FAM124B: variants seen among roughly 807,000 people sequenced by gnomAD.
The protein encoded by FAM124B is family with sequence similarity 124 member B.
In FAM124B, 18 loss-of-function variants were observed where a neutral mutation model predicts 19.7. That is an observed-to-expected ratio of 0.92 (90% CI 0.63 to 1.36). FAM124B has a LOEUF of 1.36. Among genes scored for constraint, FAM124B ranks in the 40% most tolerant of loss-of-function variants. The pLI is 0.00. For synonymous variants in FAM124B, 223 were observed against 225.2 expected (o/e 0.99, Z 0.09); for missense variants, 540 against 553.3 (o/e 0.98, Z 0.24).
rs1367156288 is a variant in FAM124B, at chr2:224,379,647, T to C, written c.1294A>G (p.Ile432Val). The part of the protein sequence containing the change: ...GQRDLGTRKT[I>V]SECLLHLQVQ... ...TGCAGATGAAGGAGACATTCTGAAATTGTCTTCCTGGTACCAAGGTCCCTT... is the reference window on the plus strand; with the variant it reads ...TGCAGATGAAGGAGACATTCTGAAACTGTCTTCCTGGTACCAAGGTCCCTT... Residue 432 changes from isoleucine (I) to valine (V), a missense_variant, in exon 2 of 2, where the codon ATT (isoleucine) becomes GTT (valine). Physicochemically the swap from Ile to Val is conservative, Grantham distance 29. Coordinates refer to ENST00000409685, the MANE Select transcript of FAM124B (RefSeq NM_001122779.2). 5 of 1,551,572 alleles carry C rather than the reference T, an allele frequency of 3.2e-6. No homozygotes were observed. The highest frequency in any genetic ancestry group is 2.4e-5 in the South Asian group (2 of 84,048).
At chr2:224,389,174 C>T (rs1419461740) in intron 1 of FAM124B, among the ~76,000 whole-genome samples, 1 of 152,184 alleles carries the variant, frequency 6.6e-6, no homozygotes, top group African/African-American at 2.4e-5. Context: ...TCAAGTGATC[C>T]GCCTGCCTCG....
chr2:224,382,297 AT>A (rs1559307530), intron 1 of FAM124B, among the ~76,000 whole-genome samples: 2 of 151,490 alleles, frequency 1.3e-5, no homozygotes, highest in Non-Finnish European at 2.9e-5. Flanking sequence ...TGAATCTCAT[AT>A]TTTTTATGTG....
intron 1 of FAM124B, chr2:224,400,423 T>C: frequency 1.4e-6 from 1 of 694,540 alleles, no homozygotes; most frequent in Non-Finnish European, 2.6e-6. Flanking sequence ...GGAGGATCAC[T>C]TGAACCCAGA....
intron 1 of FAM124B, among the ~76,000 whole-genome samples, chr2:224,394,185 G>A (rs1041262874): frequency 2.0e-5 from 3 of 152,016 alleles, no homozygotes; most frequent in Admixed American, 1.3e-4. Flanking sequence ...GCATTTTCCA[G>A]GCACTCTCTT....
chr2:224,400,772 T>C (rs1479777723), intron 1 of FAM124B, among the ~76,000 whole-genome samples: 1 of 152,176 alleles, frequency 6.6e-6, no homozygotes, highest in South Asian at 2.1e-4. Flanking sequence ...ATCTGAACTT[T>C]CTTATCTGTC....
intron 1 of FAM124B, among the ~76,000 whole-genome samples, chr2:224,396,724 C>T (rs189282547): frequency 1.1e-3 from 160 of 152,276 alleles, no homozygotes; most frequent in African/African-American, 3.0e-3. Flanking sequence ...CTTTCCTGCA[C>T]GTAATAATTG....
Position 224,401,238 on chromosome 2 carries a change from A to G in FAM124B, c.531T>C (p.Tyr177=). 1.2e-6 allele frequency: 2 copies of G among 1,614,180 alleles called. No homozygotes were observed. The highest frequency in any genetic ancestry group is 1.7e-6 in the Non-Finnish European group (2 of 1,180,038). The change falls in exon 1 of 2, where the codon TAT becomes TAC. Residue 177 remains tyrosine, a synonymous_variant. Coordinates refer to ENST00000409685, the MANE Select transcript of FAM124B (RefSeq NM_001122779.2). ...GCTGCAGAGCAAAGCTCTTGGAGGC[A>G]TAGAGCACGAAGAAACAAAAATTGC... ...QKSNFCFFVL[Y]ASKSFALQLS... is the part of the protein sequence containing the mutation.
At chr2:224,383,473 C>T (rs892962081) in intron 1 of FAM124B, among the ~76,000 whole-genome samples, 1 of 152,116 alleles carries the variant, frequency 6.6e-6, no homozygotes, top group African/African-American at 2.4e-5. Flanking sequence ...TTCTCTCCTT[C>T]CTTCCTCCTG....
intron 1 of FAM124B, 70 bp downstream of exon 1, chr2:224,400,967 T>G: frequency 6.6e-7 from 1 of 1,514,202 alleles, no homozygotes; most frequent in Admixed American, 2.2e-5. Context: ...ACCACTAGCT[T>G]AGGCCCATTC....
chr2:224,379,789 C>T lies in FAM124B; in HGVS notation c.1152G>A (p.Arg384=). ...ATGGTGGCTGGCTGGTCTGTAAATC[C>T]CTTGGAAATCCGCCAAAATAAGTCT... The part of the protein sequence containing the change: ...PRQTYFGGFP[R]DLQTSQPPFC... The change falls in exon 2 of 2, where the codon AGG becomes AGA. Residue 384 remains arginine (R), a synonymous_variant. Coordinates refer to ENST00000409685, the MANE Select transcript of FAM124B (RefSeq NM_001122779.2). 1 of 1,551,642 alleles carries T rather than the reference C, an allele frequency of 6.4e-7. No individual in the cohort carries two copies. The highest frequency in any genetic ancestry group is 8.7e-7 in the Non-Finnish European group (1 of 1,147,004).
At chr2:224,395,972 T>G (rs888025740) in intron 1 of FAM124B, among the ~76,000 whole-genome samples, 5 of 152,174 alleles carry the variant, frequency 3.3e-5, no homozygotes, top group African/African-American at 1.2e-4. Context: ...TCCATGTCAG[T>G]TCCATTCATA....
In FAM124B at chr2:224,401,122, A is replaced by G; in HGVS notation, c.647T>C (p.Val216Ala). 6.2e-7 allele frequency: 1 copy of G among 1,614,180 alleles called. No homozygotes were observed. Among genetic ancestry groups the G allele is most frequent in the Non-Finnish European group, 8.5e-7 (1 of 1,180,032 alleles). The change falls in exon 1 of 2, where the codon GTG (valine) becomes GCG (alanine). Residue 216 changes from valine (V) to alanine (A), a missense_variant. Val to Ala is a moderately conservative substitution (Grantham distance 64). Transcript: ENST00000409685. Reference sequence around the variant, plus strand: ...CATGCATGGATTGGGTAGCAGAGGCACTAACTGGCCGATCTCTTGAACCTT... The same window carrying G: ...CATGCATGGATTGGGTAGCAGAGGCGCTAACTGGCCGATCTCTTGAACCTT... ...QFKVQEIGQL[V>A]PLLPNPCMPI...
rs1690062221 is a variant in FAM124B at position 224,401,122 on chromosome 2, A to T, written c.647T>A (p.Val216Glu). The change falls in exon 1 of 2, where the codon GTG becomes GAG. Residue 216 changes from valine (V) to glutamate (E), a missense_variant. Coordinates refer to ENST00000409685, the MANE Select transcript of FAM124B (RefSeq NM_001122779.2). ...QFKVQEIGQL[V>E]PLLPNPCMPI... ...CATGCATGGATTGGGTAGCAGAGGC[A>T]CTAACTGGCCGATCTCTTGAACCTT... 6.2e-7 allele frequency: 1 copy of T among 1,614,180 alleles called. No individual in the cohort carries two copies.
At chr2:224,386,831 A>T (rs1409295828) in intron 1 of FAM124B, among the ~76,000 whole-genome samples, 1 of 152,284 alleles carries the variant, frequency 6.6e-6, no homozygotes, top group Non-Finnish European at 1.5e-5. Flanking sequence ...GAATTTTTGC[A>T]CATAGAAATG....
intron 1 of FAM124B, among the ~76,000 whole-genome samples, chr2:224,386,226 G>A (rs1000206890): frequency 1.3e-5 from 2 of 152,110 alleles, no homozygotes; most frequent in East Asian, 3.9e-4. Context: ...ATGCTGAAAT[G>A]GAACATGATT....
chr2:224,395,379 T>C (rs1689953295), intron 1 of FAM124B, among the ~76,000 whole-genome samples: 1 of 152,078 alleles, frequency 6.6e-6, no homozygotes, highest in Admixed American at 6.6e-5. Context: ...TTTGACAAAA[T>C]AGCTAATTTG....
At chr2:224,383,477 C>G (rs1689756672) in intron 1 of FAM124B, among the ~76,000 whole-genome samples, 1 of 152,122 alleles carries the variant, frequency 6.6e-6, no homozygotes, top group African/African-American at 2.4e-5. Context: ...CTCCTTCCTT[C>G]CTCCTGCCCT....
rs150364918 is a variant in FAM124B at position 224,379,897 on chromosome 2, G to A, written c.1044C>T (p.Leu348=). 6,117 of 1,551,906 alleles carry A rather than the reference G, an allele frequency of 3.9e-3. 10 individuals carry two copies. The highest frequency in any genetic ancestry group is 5.7e-3 in the Admixed American group (293 of 50,996). ...GCTTCTGAAAGCTGTTTTCCCGGTT[G>A]AGGACCTTCATTCTGGCCCCGGATT... ...HLESGARMKV[L]NRENSFQKLE... Residue 348 remains leucine (L), a synonymous_variant, in exon 2 of 2, where the codon CTC becomes CTT. Coordinates refer to ENST00000409685, the MANE Select transcript of FAM124B (RefSeq NM_001122779.2).
intron 1 of FAM124B, among the ~76,000 whole-genome samples, chr2:224,385,319 GTCTTTT>G (rs1689786330): frequency 6.6e-6 from 1 of 152,148 alleles, no homozygotes; most frequent in African/African-American, 2.4e-5. Context: ...TTATCCTGAA[GTCTTTT>G]TCTTCAGCTT....
Sources: gnomAD v4.1 joint callset for allele counts (sites outside exome capture counted in the v4.1 genomes callset) on GRCh38, gnomAD v4.1.1 for gene constraint, MANE v1.5 for transcripts, NCBI Gene and HGNC (gene_info 2026-07-23, HGNC 2026-07-21) for gene names.